The following THSD7A variants were observed in gnomAD, a reference collection of about 807,000 sequenced individuals.
The protein encoded by THSD7A is thrombospondin type 1 domain containing 7A.
THSD7A carries 96 observed loss-of-function variants against 231.3 expected under a neutral mutation model. That is an observed-to-expected ratio of 0.41 (90% CI 0.35 to 0.49). The LOEUF is 0.49. Ranked by LOEUF, THSD7A falls within the 20% of genes least tolerant of loss-of-function variation. THSD7A has a pLI of 0.05. For missense variants in THSD7A, 2,290 were observed against 2,070.2 expected (o/e 1.11, Z -2.06); for synonymous variants, 940 against 743.3 (o/e 1.26, Z -4.30).
chr7:11,690,991 CAG>C (rs1780213913), intron 1 of THSD7A, among the ~76,000 whole-genome samples: 1 of 151,548 alleles, frequency 6.6e-6, no homozygotes. Context: ...TTAAAAAAGG[CAG>C]CTGACATTTT....
At chr7:11,462,680 C>T (rs1785550238) in intron 9 of THSD7A, among the ~76,000 whole-genome samples, 2 of 152,126 alleles carry the variant, frequency 1.3e-5, no homozygotes, top group South Asian at 2.1e-4. Context: ...CTAAGACCTT[C>T]AATTCAGGTC....
chr7:11,535,355 T>C (rs1788871890), intron 6 of THSD7A, among the ~76,000 whole-genome samples: 1 of 152,078 alleles, frequency 6.6e-6, no homozygotes, highest in Non-Finnish European at 1.5e-5. Flanking sequence ...AGCAGACAAA[T>C]CAGAGTATCT....
intron 2 of THSD7A, among the ~76,000 whole-genome samples, chr7:11,604,696 A>G (rs1163437521): frequency 1.3e-5 from 2 of 152,176 alleles, no homozygotes; most frequent in Admixed American, 1.3e-4. Context: ...TGCGAATGAC[A>G]ATGCAGTTCT....
At chr7:11,477,242 A>C (rs1396818598) in intron 7 of THSD7A, among the ~76,000 whole-genome samples, 1 of 152,138 alleles carries the variant, frequency 6.6e-6, no homozygotes, top group Non-Finnish European at 1.5e-5. Context: ...CTTCATTTTC[A>C]TGGCTTAGAC....
intron 1 of THSD7A, among the ~76,000 whole-genome samples, chr7:11,785,158 T>C (rs1485465371): frequency 6.6e-6 from 1 of 152,158 alleles, no homozygotes; most frequent in Non-Finnish European, 1.5e-5. Flanking sequence ...ACCCAGCCAG[T>C]CTTAGCTTCA....
At chr7:11,673,497 C>A (rs1584188896) in intron 1 of THSD7A, among the ~76,000 whole-genome samples, 1 of 152,154 alleles carries the variant, frequency 6.6e-6, no homozygotes, top group South Asian at 2.1e-4. Flanking sequence ...TGGACATGTT[C>A]TTGTGCCCAT....
chr7:11,412,032 T>C (rs1164629730), intron 18 of THSD7A, among the ~76,000 whole-genome samples: 1 of 152,080 alleles, frequency 6.6e-6, no homozygotes, highest in Non-Finnish European at 1.5e-5. Flanking sequence ...TTGGGAAAAA[T>C]TCCAAAGTAA....
At chr7:11,667,939 C>T (rs753815399) in intron 1 of THSD7A, among the ~76,000 whole-genome samples, 2 of 152,124 alleles carry the variant, frequency 1.3e-5, no homozygotes, top group African/African-American at 4.8e-5. Context: ...GCAAAGTGTA[C>T]TCTTTTAGAA....
At chr7:11,669,841 G>A (rs1783303552) in intron 1 of THSD7A, among the ~76,000 whole-genome samples, 1 of 151,972 alleles carries the variant, frequency 6.6e-6, no homozygotes, top group African/African-American at 2.4e-5. Context: ...TCATCTAAGA[G>A]TACAAACTCT....
At chr7:11,564,604 C>T (rs1316140411) in intron 4 of THSD7A, among the ~76,000 whole-genome samples, 1 of 152,144 alleles carries the variant, frequency 6.6e-6, no homozygotes. Flanking sequence ...TCTTAGCAGA[C>T]AGAAACTCCT....
intron 1 of THSD7A, among the ~76,000 whole-genome samples, chr7:11,667,499 A>G (rs566504047): frequency 7.2e-5 from 11 of 152,130 alleles, no homozygotes; most frequent in Non-Finnish European, 8.8e-5. Context: ...TAGCCTTGAA[A>G]TACTGGTGAT....
intron 4 of THSD7A, among the ~76,000 whole-genome samples, chr7:11,544,354 C>A (rs1789285409): frequency 6.6e-6 from 1 of 151,872 alleles, no homozygotes; most frequent in African/African-American, 2.4e-5. Context: ...AAAAAAAAGT[C>A]ATTTTCTTGG....
In THSD7A at chr7:11,637,587, T is replaced by TC. The variant is rs68080248; in HGVS notation, c.191-627dup. Reference sequence around the variant, plus strand: ...ATTCTGCCTTTAAATTTACCAAATTTCCCCCCCATTTCCCAAGTGAAGTAT... The same window carrying TC: ...ATTCTGCCTTTAAATTTACCAAATTTCCCCCCCCATTTCCCAAGTGAAGTAT... On this transcript the variant is annotated intron_variant, in intron 1 of 27. Coordinates refer to ENST00000423059, the MANE Select transcript of THSD7A (RefSeq NM_015204.3). This position sits in a 1 kb window ranked among gnomAD's most constrained non-coding sequence, Gnocchi z 4.2. 1.8e-4 allele frequency among the ~76,000 whole-genome samples: 28 copies of TC among 151,836 alleles called. No homozygotes were observed. The South Asian group carries it at 3.7e-3, about 20-fold the overall frequency.
At chr7:11,793,182 A>G (rs1784012882) in intron 1 of THSD7A, among the ~76,000 whole-genome samples, 1 of 151,944 alleles carries the variant, frequency 6.6e-6, no homozygotes, top group Admixed American at 6.6e-5. Context: ...AGGGGTAAAA[A>G]AATAAAGATG....
chr7:11,487,544 A>G (rs945177851), intron 6 of THSD7A, among the ~76,000 whole-genome samples: 1 of 152,084 alleles, frequency 6.6e-6, no homozygotes, highest in Non-Finnish European at 1.5e-5. Context: ...GTATTAGTCC[A>G]TTTTCATGCT....
At position 11,406,364 on chromosome 7, in the gene THSD7A, A is replaced by G; in HGVS notation, c.4173T>C (p.Ile1391=). The G allele has an allele frequency of 6.2e-7, 1 of 1,613,986 alleles. No homozygotes were observed. The highest frequency in any genetic ancestry group is 8.5e-7 in the Non-Finnish European group (1 of 1,179,868). ...TTTTATTACCATCTATAATGAGTTC[A>G]ATGTCAGCACAGAATTCCTCATCCA... is the stretch of plus-strand genomic sequence containing the variant. The part of the protein sequence containing the change: ...KVVDEEFCAD[I]ELIIDGNKNM... Residue 1391 remains isoleucine, a synonymous_variant, in exon 22 of 28, where the codon ATT becomes ATC. Coordinates refer to ENST00000423059, the MANE Select transcript of THSD7A (RefSeq NM_015204.3). The surrounding 1 kb of genome is among the most constrained non-coding windows in gnomAD (Gnocchi z 4.7).
chr7:11,679,886 A>G (rs1783797719), intron 1 of THSD7A, among the ~76,000 whole-genome samples: 1 of 152,164 alleles, frequency 6.6e-6, no homozygotes, highest in Non-Finnish European at 1.5e-5. Context: ...TTGCAAAGCC[A>G]AGACAATCAG....
chr7:11,679,236 A>G (rs894428537), intron 1 of THSD7A, among the ~76,000 whole-genome samples: 17 of 152,332 alleles, frequency 1.1e-4, no homozygotes, highest in Non-Finnish European at 1.8e-4. Context: ...ACCCACAGCC[A>G]GTATCATACT....
At chr7:11,704,946 T>G (rs1419378364) in intron 1 of THSD7A, among the ~76,000 whole-genome samples, 1 of 151,110 alleles carries the variant, frequency 6.6e-6, no homozygotes, top group Non-Finnish European at 1.5e-5. Flanking sequence ...AGTGGTTGCT[T>G]CATCTAATCC....
Sources: allele counts gnomAD v4.1 joint callset (sites outside exome capture counted in the v4.1 genomes callset), GRCh38; gene constraint gnomAD v4.1.1; non-coding constraint Gnocchi (gnomAD v3.1); transcripts MANE v1.5; gene names NCBI Gene and HGNC (gene_info 2026-07-23, HGNC 2026-07-21).